FRYL: variants seen among roughly 807,000 people sequenced by gnomAD.
FRYL encodes the protein FRY like transcription coactivator.
In FRYL, 150 loss-of-function variants were observed where a neutral mutation model predicts 351.2. The ratio of observed to expected loss-of-function variants is 0.43; its 90% CI spans 0.37 to 0.49. FRYL has a LOEUF of 0.49. Ranked by LOEUF, FRYL falls within the 20% of genes least tolerant of loss-of-function variation. The pLI is 0.00. For synonymous variants in FRYL, 1,153 were observed against 1,257.1 expected (o/e 0.92, Z 1.75); for missense variants, 3,036 against 3,619.3 (o/e 0.84, Z 4.13).
Position 48,655,819 on chromosome 4 carries a change from GAAT to G in FRYL, c.-80-21332_-80-21330del, listed in dbSNP as rs1315682129. Among the ~76,000 whole-genome samples, 3 of 142,174 alleles carry G rather than the reference GAAT, an allele frequency of 2.1e-5. No individual in the cohort carries two copies. In the Admixed American group the frequency reaches 2.1e-4, roughly 10 times the overall value. 93.3% of individuals were successfully genotyped at this position (142,174 alleles called of 152,430 possible). A position where few individuals can be genotyped will look rare whatever the true frequency, so the allele number is the denominator to read the frequency against. ...TATATAATGTAAAATTATATATACA[GAAT>G]TATATAATTATATATACTATATATA... On this transcript the variant is annotated intron_variant, in intron 3 of 63. Coordinates refer to ENST00000358350, the MANE Select transcript of FRYL (RefSeq NM_015030.2).
intron 53 of FRYL, among the ~76,000 whole-genome samples, chr4:48,525,162 GGTATATATATATATATATAT>G (rs1165972541): frequency 8.4e-6 from 1 of 118,456 alleles, no homozygotes; most frequent in African/African-American, 3.8e-5. Flanking sequence ...TATTTTTAAA[GGTATATATATATATATATAT>G]ATATATATAT....
chr4:48,674,355 C>CA (rs1763202818), intron 3 of FRYL, among the ~76,000 whole-genome samples: 1 of 152,054 alleles, frequency 6.6e-6, no homozygotes, highest in Non-Finnish European at 1.5e-5. Flanking sequence ...ACTCTACACA[C>CA]ACACATACAA....
rs1184200549 is a variant in FRYL, at chr4:48,717,072, C to T, written c.-383-6374G>A. Among the ~76,000 whole-genome samples the T allele has an allele frequency of 5.3e-5, 7 of 132,394 alleles. No individual in the cohort carries two copies. In the South Asian group the frequency reaches 1.2e-3, roughly 22 times the overall value. 86.9% of individuals were successfully genotyped at this position (132,394 alleles called of 152,430 possible). ...TCACTCTTAGGTGGGAATTGAACAA[C>T]GAGAACATATGGACACAGGAAGGGG... On this transcript the variant is annotated intron_variant, in intron 1 of 63. Coordinates refer to ENST00000358350, the MANE Select transcript of FRYL (RefSeq NM_015030.2).
Position 48,565,707 on chromosome 4 carries a change from G to C in FRYL, c.3170-16C>G, listed in dbSNP as rs1156730868. 6.2e-7 allele frequency: 1 copy of C among 1,600,448 alleles called. No homozygotes were observed. The highest frequency in any genetic ancestry group is 1.8e-5 in the Admixed American group (1 of 55,842). On this transcript the variant is annotated splice_polypyrimidine_tract_variant and intron_variant, in intron 28 of 63. Transcript: ENST00000358350. Reference sequence around the variant, plus strand: ...CTCTGGTGCACTGTGAATAAAAAAAGATAGAAAACATTTATTTCCATTTCT... The same window carrying C: ...CTCTGGTGCACTGTGAATAAAAAAACATAGAAAACATTTATTTCCATTTCT...
intron 3 of FRYL, among the ~76,000 whole-genome samples, chr4:48,650,878 A>T (rs1388731185): frequency 6.6e-6 from 1 of 152,090 alleles, no homozygotes; most frequent in African/African-American, 2.4e-5. Flanking sequence ...GAGACTACGG[A>T]AATTTGAGTA....
At chr4:48,599,666 G>A (rs985238116) in intron 13 of FRYL, among the ~76,000 whole-genome samples, 3 of 152,164 alleles carry the variant, frequency 2.0e-5, no homozygotes, top group African/African-American at 7.2e-5. Flanking sequence ...ATGGAACTAT[G>A]TGAATATGGA....
chr4:48,550,754 T>C lies in FRYL; in HGVS notation c.4521-50A>G, dbSNP rs751559287. Reference sequence around the variant, plus strand: ...GTCACAGTTCACGGTGCAATGGTATTTATACTTTATGTTTCACTTTCTCTG... The same window carrying C: ...GTCACAGTTCACGGTGCAATGGTATCTATACTTTATGTTTCACTTTCTCTG... On this transcript the variant is annotated intron_variant, in intron 37 of 63. Coordinates refer to ENST00000358350, the MANE Select transcript of FRYL (RefSeq NM_015030.2). 5.7e-6 allele frequency: 7 copies of C among 1,224,420 alleles called. No homozygotes were observed. In the Admixed American group the frequency reaches 1.0e-4, roughly 18 times the overall value. The allele number at this position is 1,224,420 out of a possible 1,614,324, so 75.8% of individuals were successfully genotyped here.
At chr4:48,544,029 C>G in intron 43 of FRYL, 32 bp from the exon 44 acceptor site, 1 of 1,594,826 alleles carries the variant, frequency 6.3e-7, no homozygotes, top group Non-Finnish European at 8.6e-7. Flanking sequence ...GTAGGTTGTT[C>G]TTGTTCTTTA....
intron 3 of FRYL, among the ~76,000 whole-genome samples, chr4:48,684,176 T>C (rs1764937062): frequency 6.6e-6 from 1 of 152,170 alleles, no homozygotes; most frequent in Admixed American, 6.5e-5. Context: ...ATTTGTTGAA[T>C]AGCTTCTCTA....
At chr4:48,763,867 T>G (rs1198177981) in intron 1 of FRYL, among the ~76,000 whole-genome samples, 2 of 152,128 alleles carry the variant, frequency 1.3e-5, no homozygotes, top group East Asian at 3.9e-4. Context: ...AAAAACCAAT[T>G]AAACTAACAA....
chr4:48,646,185 C>G (rs1404596551), intron 3 of FRYL, among the ~76,000 whole-genome samples: 1 of 152,058 alleles, frequency 6.6e-6, no homozygotes, highest in Non-Finnish European at 1.5e-5. Context: ...TTTATGAATG[C>G]CTTGACTAAC....
chr4:48,576,546 T>G (rs958793251), intron 23 of FRYL, among the ~76,000 whole-genome samples: 3 of 152,170 alleles, frequency 2.0e-5, no homozygotes, highest in African/African-American at 4.8e-5. Context: ...GCTCAGATGA[T>G]CTACCTGCCT....
intron 2 of FRYL, among the ~76,000 whole-genome samples, chr4:48,706,579 A>G (rs1269499284): frequency 1.2e-4 from 18 of 152,254 alleles, no homozygotes; most frequent in Admixed American, 2.0e-4. Context: ...ATAATTGCAC[A>G]ACAATGTGAA....
At chr4:48,605,552 C>T (rs1616561) in intron 11 of FRYL, among the ~76,000 whole-genome samples, 189 bp downstream of exon 11, 149,844 of 152,288 alleles carry the variant, frequency 0.98, 73,756 homozygotes, top group East Asian at 1. Context: ...ATACATGAAA[C>T]GATCTCTAAA....
chr4:48,577,443 T>C (rs1739866944), intron 23 of FRYL, among the ~76,000 whole-genome samples: 1 of 152,210 alleles, frequency 6.6e-6, no homozygotes, highest in African/African-American at 2.4e-5. Context: ...AATGTCCTAG[T>C]ATGTTAGAAA....
intron 22 of FRYL, among the ~76,000 whole-genome samples, chr4:48,579,792 T>C (rs1740469671): frequency 6.6e-6 from 1 of 152,182 alleles, no homozygotes; most frequent in Non-Finnish European, 1.5e-5. Flanking sequence ...TAATTCATAA[T>C]TTATGGTTAA....
At position 48,620,690 on chromosome 4, in the gene FRYL, G is replaced by A. The variant is rs147277630; in HGVS notation, c.263C>T (p.Thr88Met). 54 of 1,613,798 alleles carry A rather than the reference G, an allele frequency of 3.3e-5. No individual in the cohort carries two copies. Among genetic ancestry groups the A allele is most frequent in the African/African-American group, 2.9e-4 (22 of 74,982 alleles). The change falls in exon 6 of 64, where the codon ACG (threonine) becomes ATG (methionine). Residue 88 changes from threonine (T) to methionine (M), a missense_variant. Transcript: ENST00000358350. ...LFDWYRRQNGTEDESYEYRPR... is the reference protein window; with the variant it reads ...LFDWYRRQNGMEDESYEYRPR... The stretch of plus-strand genomic sequence containing the variant: ...CCTATATTCATAAGATTCATCTTCC[G>A]TTCCATTTTGGCGTCTGTACCAGTC...
At chr4:48,690,295 G>C (rs1765570057) in intron 2 of FRYL, among the ~76,000 whole-genome samples, 1 of 151,830 alleles carries the variant, frequency 6.6e-6, no homozygotes, top group South Asian at 2.1e-4. Flanking sequence ...ACCCTCAATA[G>C]AATGTTTTCT....
intron 1 of FRYL, among the ~76,000 whole-genome samples, chr4:48,718,068 C>G (rs1393180665): frequency 6.6e-6 from 1 of 151,600 alleles, no homozygotes; most frequent in East Asian, 1.9e-4. Flanking sequence ...AAGTTCTGAG[C>G]TTCAATTTCC....
Sources: allele counts gnomAD v4.1 joint callset (sites outside exome capture counted in the v4.1 genomes callset), GRCh38; gene constraint gnomAD v4.1.1; transcripts MANE v1.5; gene names NCBI Gene and HGNC (gene_info 2026-07-23, HGNC 2026-07-21).